PDE10A: variants seen among roughly 807,000 people sequenced by gnomAD.
The protein encoded by PDE10A is phosphodiesterase 10A, also known as cAMP and cAMP-inhibited cGMP 3',5'-cyclic phosphodiesterase 10A.
In PDE10A, 39 loss-of-function variants were observed where a neutral mutation model predicts 97.7. The observed-to-expected ratio is 0.40, with a 90% CI of 0.31 to 0.52. The LOEUF (loss-of-function observed/expected upper bound fraction) is 0.52. Ranked by LOEUF, PDE10A falls within the 20% of genes least tolerant of loss-of-function variation. The pLI is 0.56. For synonymous variants in PDE10A, 371 were observed against 376.8 expected (o/e 0.98, Z 0.18); for missense variants, 731 against 1,047.8 (o/e 0.70, Z 4.17).
At chr6:165,839,113 T>C (rs145906140) in intron 1 of PDE10A, among the ~76,000 whole-genome samples, 131 of 152,372 alleles carry the variant, frequency 8.6e-4, no homozygotes, top group African/African-American at 3.1e-3. Flanking sequence ...ACTCTTTTTC[T>C]GTACGCCAAA....
At chr6:165,494,341 T>C (rs1181315507) in intron 2 of PDE10A, among the ~76,000 whole-genome samples, 1 of 151,298 alleles carries the variant, frequency 6.6e-6, no homozygotes, top group Non-Finnish European at 1.5e-5. Context: ...AGAAAAGAGG[T>C]CATTATAGAA....
chr6:165,721,966 T>C (rs751319977), intron 1 of PDE10A, among the ~76,000 whole-genome samples: 1 of 152,214 alleles, frequency 6.6e-6, no homozygotes, highest in Non-Finnish European at 1.5e-5. Context: ...AAATGAAACA[T>C]TTCATGGAGT....
chr6:165,905,945 TC>T (rs1218525515), intron 1 of PDE10A, among the ~76,000 whole-genome samples: 19 of 151,024 alleles, frequency 1.3e-4, no homozygotes, highest in Non-Finnish European at 1.9e-4. Flanking sequence ...ACAATTTTTT[TC>T]CTTCTTTCTT....
intron 21 of PDE10A, 70 bp from the exon 22 acceptor site, chr6:165,333,197 C>T: frequency 2.1e-6 from 2 of 943,270 alleles, no homozygotes; most frequent in Non-Finnish European, 3.5e-6. Context: ...TGAAAACTAA[C>T]CAAACAGTCC....
chr6:165,653,485 C>G (rs530857989), intron 1 of PDE10A, among the ~76,000 whole-genome samples: 4 of 152,278 alleles, frequency 2.6e-5, no homozygotes, highest in East Asian at 1.9e-4. Context: ...GGCAGAAGCA[C>G]CAGCCATGCG....
chr6:165,927,236 G>A (rs571742277), intron 1 of PDE10A, among the ~76,000 whole-genome samples: 1 of 152,280 alleles, frequency 6.6e-6, no homozygotes, highest in African/African-American at 2.4e-5. Context: ...GCACATGCTA[G>A]TCCTTAAACT....
chr6:165,710,915 A>T (rs1485122132), intron 1 of PDE10A, among the ~76,000 whole-genome samples: 2 of 152,246 alleles, frequency 1.3e-5, no homozygotes, highest in Non-Finnish European at 2.9e-5. Context: ...CAATTTTCTC[A>T]ACTGCTTTGC....
rs1379022208 is a variant in PDE10A, at chr6:165,958,498, C to CAAGAAAGA, written c.-615+29023_-615+29030dup. ...AAAGAAAGAGAGAAAGAGAGAAAGA[C>CAAGAAAGA]AAGAAAGAAAGAAAGAAAGAAAGAA... is the stretch of plus-strand genomic sequence containing the variant. On this transcript the variant is annotated intron_variant, in intron 1 of 19. Coordinates refer to the PDE10A transcript ENST00000366882. Among the ~76,000 whole-genome samples the CAAGAAAGA allele has an allele frequency of 4.9e-3, 281 of 57,636 alleles. 3 individuals are homozygous for CAAGAAAGA. Among genetic ancestry groups the CAAGAAAGA allele is most frequent in the Non-Finnish European group, 6.9e-3 (198 of 28,860 alleles). 37.8% of individuals were successfully genotyped at this position (57,636 alleles called of 152,430 possible).
intron 1 of PDE10A, among the ~76,000 whole-genome samples, chr6:165,703,067 T>C (rs1791620328): frequency 6.6e-6 from 1 of 152,180 alleles, no homozygotes; most frequent in Admixed American, 6.5e-5. Context: ...CACATTTCAC[T>C]CAAAGAACAA....
chr6:165,825,767 C>A (rs2128470024), intron 1 of PDE10A, among the ~76,000 whole-genome samples: 1 of 152,260 alleles, frequency 6.6e-6, no homozygotes, highest in East Asian at 1.9e-4. Flanking sequence ...AGTGGGAGGG[C>A]CTGAACCTGC....
At chr6:165,740,486 A>G (rs372411517) in intron 1 of PDE10A, among the ~76,000 whole-genome samples, 1 of 152,038 alleles carries the variant, frequency 6.6e-6, no homozygotes, top group Admixed American at 6.5e-5. Flanking sequence ...ATGTGCCACC[A>G]CGTGCTCGGC....
chr6:165,379,050 C>G lies in PDE10A; in HGVS notation c.2783+144G>C. Reference sequence around the variant, plus strand: ...ACAAAGCATCTAAAGTAAATATAAACAAGATGTACATAAAGTGAAAAACAT... The same window carrying G: ...ACAAAGCATCTAAAGTAAATATAAAGAAGATGTACATAAAGTGAAAAACAT... On this transcript the variant is annotated intron_variant, in intron 18 of 21. Transcript: ENST00000539869. 4 of 574,318 alleles carry G rather than the reference C, an allele frequency of 7.0e-6. No homozygotes were observed. The South Asian group carries it at 9.5e-5, about 14-fold the overall frequency. 35.6% of individuals were successfully genotyped at this position (574,318 alleles called of 1,614,324 possible).
chr6:165,403,776 C>A (rs1375712097), intron 13 of PDE10A, among the ~76,000 whole-genome samples: 1 of 152,158 alleles, frequency 6.6e-6, no homozygotes. Context: ...CTACTCTACA[C>A]TGTCATGAGA....
chr6:165,619,480 T>C (rs1583657811), intron 1 of PDE10A, among the ~76,000 whole-genome samples: 1 of 142,882 alleles, frequency 7.0e-6, no homozygotes, highest in African/African-American at 2.9e-5. Flanking sequence ...TAGTGTAGTC[T>C]AGTGTAGTCT....
chr6:165,914,641 T>C (rs1415964191), intron 1 of PDE10A, among the ~76,000 whole-genome samples: 1 of 152,200 alleles, frequency 6.6e-6, no homozygotes, highest in Non-Finnish European at 1.5e-5. Context: ...GTGGATGAGA[T>C]ACGTGAACCA....
intron 1 of PDE10A, among the ~76,000 whole-genome samples, chr6:165,778,317 G>A (rs571553058): frequency 2.1e-4 from 32 of 152,234 alleles, no homozygotes; most frequent in African/African-American, 7.7e-4. Flanking sequence ...TGATCCACCC[G>A]TCTCAGCCTC....
rs1781645026 is a variant in PDE10A, at chr6:165,336,327, G to A, written c.2977-116C>T. 3 of 712,946 alleles carry A rather than the reference G, an allele frequency of 4.2e-6. No homozygotes were observed. In the South Asian group the frequency reaches 5.3e-5, roughly 13 times the overall value. The allele number at this position is 712,946 out of a possible 1,614,324, so 44.2% of individuals were successfully genotyped here. A position where few individuals can be genotyped will look rare whatever the true frequency, so the allele number is the denominator to read the frequency against. ...CTGAGGCCTAATTATAAAATTGCAT[G>A]TTCTAGTTTTGCTGTATGTGATATC... is the stretch of plus-strand genomic sequence containing the variant. On this transcript the variant is annotated intron_variant, in intron 20 of 21. Coordinates refer to ENST00000539869, the MANE Select transcript of PDE10A (RefSeq NM_001385079.1).
intron 1 of PDE10A, among the ~76,000 whole-genome samples, chr6:165,971,520 CAT>C (rs1238938115): frequency 6.6e-6 from 1 of 152,222 alleles, no homozygotes; most frequent in Non-Finnish European, 1.5e-5. Flanking sequence ...ACACAGGAAA[CAT>C]GTGACTGTGC....
chr6:165,430,229 G>GC (rs1237136993), intron 9 of PDE10A, 58 bp downstream of exon 9: 1 of 1,204,316 alleles, frequency 8.3e-7, no homozygotes, highest in Non-Finnish European at 1.2e-6. Context: ...GCCACAGGCT[G>GC]CCCTTAATTT....
Sources: gnomAD v4.1 joint callset for allele counts (sites outside exome capture counted in the v4.1 genomes callset) on GRCh38, gnomAD v4.1.1 for gene constraint, MANE v1.5 for transcripts, NCBI Gene and HGNC (gene_info 2026-07-23, HGNC 2026-07-21) for gene names.